PDK1: variants seen among roughly 807,000 people sequenced by gnomAD.
The protein encoded by PDK1 is pyruvate dehydrogenase kinase 1.
Under a neutral mutation model 54.2 loss-of-function variants are expected in PDK1, and 39 were observed. The ratio of observed to expected loss-of-function variants is 0.72; its 90% confidence interval spans 0.56 to 0.94. The LOEUF (loss-of-function observed/expected upper bound fraction) is 0.94. Ranked by LOEUF, PDK1 falls within the 40% of genes least tolerant of loss-of-function variation. PDK1 has a pLI of 0.00. For synonymous variants in PDK1, 221 were observed against 207.1 expected (o/e 1.07, Z -0.58); for missense variants, 552 against 566.0 (o/e 0.98, Z 0.25).
Position 172,599,085 on chromosome 2 carries a change from ATCT to A in PDK1, c.*3120_*3122del, listed in dbSNP as rs2149309709. On this transcript the variant is annotated 3_prime_UTR_variant, in exon 11 of 11. Coordinates refer to ENST00000282077, the MANE Select transcript of PDK1 (RefSeq NM_002610.5). ...TGATTGACTTGTTGCATAAATGAAG[ATCT>A]TCTGTTGTGTGCTTTTCAAACACTG... is the stretch of plus-strand genomic sequence containing the variant. 6.6e-6 allele frequency: 1 copy of A among 151,788 alleles called. No homozygotes were observed. The highest frequency in any genetic ancestry group is 2.4e-5 in the African/African-American group (1 of 41,358). 9.4% of individuals were successfully genotyped at this position (151,788 alleles called of 1,614,324 possible).
At chr2:172,642,752 C>G in the PDK1 span, among the ~76,000 whole-genome samples, 1 of 151,948 alleles carries the variant, frequency 6.6e-6, no homozygotes, top group Non-Finnish European at 1.5e-5. Context: ...TACTGGCTTT[C>G]TTCTCCTCTT....
the PDK1 span, among the ~76,000 whole-genome samples, chr2:172,716,194 A>G: frequency 6.6e-6 from 1 of 152,292 alleles, no homozygotes; most frequent in African/African-American, 2.4e-5. Context: ...GTGAAGGCAA[A>G]ACTATGTCAG....
chr2:172,619,963 G>A, the PDK1 span, among the ~76,000 whole-genome samples: 6 of 152,244 alleles, frequency 3.9e-5, 1 homozygote, highest in African/African-American at 1.4e-4. Context: ...TCAGGAGTTC[G>A]AGACCAGCCT....
At chr2:172,635,070 T>A in the PDK1 span, among the ~76,000 whole-genome samples, 2 of 152,196 alleles carry the variant, frequency 1.3e-5, no homozygotes, top group African/African-American at 4.8e-5. Flanking sequence ...TCTCACTATA[T>A]GTGTTTAAGT....
chr2:172,675,775 A>G, the PDK1 span, among the ~76,000 whole-genome samples: 2 of 152,204 alleles, frequency 1.3e-5, no homozygotes, highest in African/African-American at 4.8e-5. Context: ...TAAACAACAA[A>G]TTTTCAATTT....
the PDK1 span, among the ~76,000 whole-genome samples, chr2:172,622,646 A>C: frequency 9.3e-5 from 13 of 140,344 alleles, no homozygotes; most frequent in Admixed American, 3.6e-4. Context: ...AGATATGTTT[A>C]TATCTCATGT....
At chr2:172,632,511 C>T in the PDK1 span, among the ~76,000 whole-genome samples, 4 of 152,120 alleles carry the variant, frequency 2.6e-5, no homozygotes, top group Non-Finnish European at 5.9e-5. Context: ...GTACAAAATG[C>T]TTATTGCATT....
the PDK1 span, among the ~76,000 whole-genome samples, chr2:172,703,274 C>T: frequency 3.9e-5 from 6 of 152,132 alleles, no homozygotes; most frequent in East Asian, 1.2e-3. Context: ...ACAATACAGT[C>T]GACACCTTGA....
intron 8 of PDK1, 28 bp downstream of exon 8, chr2:172,570,852 T>C (rs2149231670): frequency 2.2e-6 from 2 of 922,732 alleles, no homozygotes; most frequent in Non-Finnish European, 3.1e-6. Context: ...TTTGTTTTCT[T>C]TTTTTTTTTT....
chr2:172,568,750 C>G lies in PDK1; in HGVS notation c.779C>G (p.Pro260Arg), dbSNP rs1376492430. ...LELEELNAKSPGQPIQVVYVP... is the reference protein window; with the variant it reads ...LELEELNAKSRGQPIQVVYVP... ...CTCTTCTGCTCTGTAGCAAAATCACCAGGACAGCCAATACAAGTGGTTTAT... is the reference window on the plus strand; with the variant it reads ...CTCTTCTGCTCTGTAGCAAAATCACGAGGACAGCCAATACAAGTGGTTTAT... Residue 260 changes from proline to arginine, a missense_variant, in exon 7 of 11, where the codon CCA (proline) becomes CGA (arginine). Coordinates refer to ENST00000282077, the MANE Select transcript of PDK1 (RefSeq NM_002610.5). 3 of 1,603,210 alleles carry G rather than the reference C, an allele frequency of 1.9e-6. No homozygotes were observed. The highest frequency in any genetic ancestry group is 2.6e-6 in the Non-Finnish European group (3 of 1,169,992).
the PDK1 span, among the ~76,000 whole-genome samples, chr2:172,657,290 T>TTA: frequency 6.6e-6 from 1 of 151,460 alleles, no homozygotes; most frequent in African/African-American, 2.4e-5. Context: ...CCTCCCAAAG[T>TTA]GCTGGAATTA....
chr2:172,651,359 A>T, the PDK1 span, among the ~76,000 whole-genome samples: 4 of 152,352 alleles, frequency 2.6e-5, no homozygotes, highest in South Asian at 8.3e-4. Context: ...CTAAATGCCC[A>T]CAAGGGAAAG....
Position 172,568,639 on chromosome 2 carries a change from C to T in PDK1, c.770-102C>T, listed in dbSNP as rs1053223381. ...CAGTTCTCCCCCAGGTAATACTGTC[C>T]TCCGTAGTTAATGTTTTCTTTTCAT... On this transcript the variant is annotated intron_variant, in intron 6 of 10. Coordinates refer to ENST00000282077, the MANE Select transcript of PDK1 (RefSeq NM_002610.5). 5 of 744,686 alleles carry T rather than the reference C, an allele frequency of 6.7e-6. No homozygotes were observed. In the African/African-American group the frequency reaches 7.0e-5, roughly 10 times the overall value. The allele number at this position is 744,686 out of a possible 1,614,324, so 46.1% of individuals were successfully genotyped here. A position where few individuals can be genotyped will look rare whatever the true frequency, so the allele number is the denominator to read the frequency against.
At chr2:172,707,051 T>C in the PDK1 span, among the ~76,000 whole-genome samples, 2 of 152,050 alleles carry the variant, frequency 1.3e-5, no homozygotes, top group African/African-American at 4.8e-5. Flanking sequence ...GGAGGTGGCG[T>C]TGTTTCCACT....
the PDK1 span, among the ~76,000 whole-genome samples, chr2:172,652,464 G>C: frequency 6.6e-6 from 1 of 150,796 alleles, no homozygotes; most frequent in Non-Finnish European, 1.5e-5. Flanking sequence ...GGAAGTTCTG[G>C]CCAGGGCAAT....
intron 6 of PDK1, among the ~76,000 whole-genome samples, chr2:172,567,679 G>C (rs1480665856): frequency 3.9e-5 from 6 of 152,204 alleles, no homozygotes; most frequent in Admixed American, 3.9e-4. Flanking sequence ...ATAGCATTTG[G>C]TAAATAACAA....
downstream of PDK1, among the ~76,000 whole-genome samples, chr2:172,612,937 G>T (rs1691509022): frequency 6.6e-6 from 1 of 152,150 alleles, no homozygotes; most frequent in African/African-American, 2.4e-5. Flanking sequence ...TGGGATTACG[G>T]GCATGAGCCA....
At position 172,592,974 on chromosome 2, in the gene PDK1, G is replaced by T. The variant is rs370625914; in HGVS notation, c.1096G>T (p.Ala366Ser). ...GYGLPISRLY[A>S]QYFQGDLKLY... ...TGGATTGCCCATATCACGTCTTTAC[G>T]CACAATACTTCCAAGGAGACCTGAA... is the stretch of plus-strand genomic sequence containing the variant. Residue 366 changes from alanine (A) to serine (S), a missense_variant, in exon 10 of 11, where the codon GCA (alanine) becomes TCA (serine). Ala to Ser is a moderately conservative substitution (Grantham distance 99, BLOSUM62 1). Coordinates refer to ENST00000282077, the MANE Select transcript of PDK1 (RefSeq NM_002610.5). 1.9e-5 allele frequency: 30 copies of T among 1,612,190 alleles called. No homozygotes were observed. The South Asian group carries it at 3.2e-4, about 17-fold the overall frequency.
chr2:172,613,311 G>T, downstream of PDK1, among the ~76,000 whole-genome samples: 1 of 152,324 alleles, frequency 6.6e-6, no homozygotes, highest in Non-Finnish European at 1.5e-5. Flanking sequence ...GACAGATGGA[G>T]CTTATCAGCT....
Sources: gnomAD v4.1 joint callset for allele counts (sites outside exome capture counted in the v4.1 genomes callset) on GRCh38, gnomAD v4.1.1 for gene constraint, MANE v1.5 for transcripts, NCBI Gene and HGNC (gene_info 2026-07-23, HGNC 2026-07-21) for gene names.